KCNK13: variants seen among roughly 807,000 people sequenced by gnomAD.
The protein encoded by KCNK13 is potassium channel subfamily K member 13.
A neutral mutation model predicts 23.4 loss-of-function variants in KCNK13; 12 were observed. That is an observed-to-expected ratio of 0.51 (90% CI 0.33 to 0.83). KCNK13 has a LOEUF of 0.83. KCNK13 is among the 40% of genes least tolerant of loss of function. The probability of loss-of-function intolerance (pLI) is 0.02; values close to 1 mark genes in which losing one functional copy is unlikely to be tolerated. For synonymous variants in KCNK13, 231 were observed against 229.5 expected, an observed-to-expected ratio of 1.01 and a Z score of -0.06; for missense variants, 463 against 556.3, an observed-to-expected ratio of 0.83 and a Z score of 1.69.
At chr14:90,180,866 CT>C (rs1037366942) in intron 1 of KCNK13, among the ~76,000 whole-genome samples, 1 of 150,622 alleles carries the variant, frequency 6.6e-6, no homozygotes, top group Non-Finnish European at 1.5e-5. Flanking sequence ...TTGATTTTTT[CT>C]TTTTTTTTCA....
intron 1 of KCNK13, among the ~76,000 whole-genome samples, chr14:90,071,479 C>T (rs1189256067): frequency 6.6e-6 from 1 of 152,174 alleles, no homozygotes; most frequent in Non-Finnish European, 1.5e-5. Context: ...CTTTCTGTCC[C>T]TCCTGGTCCC....
rs764122404 is a variant in KCNK13 at position 90,141,788 on chromosome 14, G to GTT, written c.335-42318_335-42317dup. On this transcript the variant is annotated intron_variant, in intron 1 of 1. Transcript: ENST00000282146. Reference sequence around the variant, plus strand: ...CCCTCTTGGGTTTTTGTTTTGTTTTGTTTTTTGGGGGGGGGGACGGAGCCT... The same window carrying GTT: ...CCCTCTTGGGTTTTTGTTTTGTTTTGTTTTTTTTGGGGGGGGGGACGGAGCCT... 5.9e-3 allele frequency among the ~76,000 whole-genome samples: 94 copies of GTT among 16,022 alleles called. 2 individuals are homozygous for GTT. The highest frequency in any genetic ancestry group is 0.012 in the African/African-American group (82 of 6,704). 10.5% of individuals were successfully genotyped at this position (16,022 alleles called of 152,430 possible).
At chr14:90,125,050 G>C (rs1399898699) in intron 1 of KCNK13, among the ~76,000 whole-genome samples, 1 of 152,070 alleles carries the variant, frequency 6.6e-6, no homozygotes, top group Admixed American at 6.6e-5. Context: ...AAAGGAGAAT[G>C]AAGAATTTTT....
chr14:90,184,853 G>C lies in KCNK13; in HGVS notation c.1077G>C (p.Ser359=), dbSNP rs775974655. ...ACTTGCTGGCAGCCAACAAGGCCTC[G>C]TTGGCCATCCTGCAGAAGCAACTGT... is the stretch of plus-strand genomic sequence containing the variant. ...MKDLLAANKA[S]LAILQKQLSE... The change falls in exon 2 of 2, where the codon TCG becomes TCC. Residue 359 remains serine (S), a synonymous_variant. Coordinates refer to ENST00000282146, the MANE Select transcript of KCNK13 (RefSeq NM_022054.4). This position sits in a 1 kb window ranked among gnomAD's most constrained non-coding sequence, Gnocchi z 5.6. The C allele has an allele frequency of 6.2e-7, 1 of 1,613,844 alleles. No homozygotes were observed. Among genetic ancestry groups the C allele is most frequent in the South Asian group, 1.1e-5 (1 of 91,082 alleles).
At chr14:90,176,056 A>G (rs911222188) in intron 1 of KCNK13, among the ~76,000 whole-genome samples, 3 of 152,192 alleles carry the variant, frequency 2.0e-5, no homozygotes, top group Non-Finnish European at 4.4e-5. Flanking sequence ...AGATTCAAGG[A>G]GAGAGGAAAT....
chr14:90,123,925 G>A (rs534832777), intron 1 of KCNK13, among the ~76,000 whole-genome samples: 1 of 152,268 alleles, frequency 6.6e-6, no homozygotes, highest in Non-Finnish European at 1.5e-5. Context: ...TTAACAGATA[G>A]CAATGCCTCC....
At chr14:90,127,062 G>C (rs1889809594) in intron 1 of KCNK13, among the ~76,000 whole-genome samples, 1 of 152,108 alleles carries the variant, frequency 6.6e-6, no homozygotes, top group Non-Finnish European at 1.5e-5. Flanking sequence ...AAGGAAGTCT[G>C]AATAAAGTAT....
chr14:90,132,805 C>A (rs1366520618), intron 1 of KCNK13, among the ~76,000 whole-genome samples: 1 of 152,152 alleles, frequency 6.6e-6, no homozygotes, highest in African/African-American at 2.4e-5. Flanking sequence ...TAACTATCGC[C>A]ATTTGTACCT....
intron 1 of KCNK13, among the ~76,000 whole-genome samples, chr14:90,130,268 C>CGGCTCACTGCAGCCTCCGCCTCCCA (rs1802857003): frequency 1.3e-5 from 2 of 151,532 alleles, no homozygotes. Flanking sequence ...GGTGCAATCT[C>CGGCTCACTGCAGCCTCCGCCTCCCA]GGCTCACTGC....
chr14:90,124,681 G>A (rs1889775908), intron 1 of KCNK13, among the ~76,000 whole-genome samples: 1 of 152,224 alleles, frequency 6.6e-6, no homozygotes, highest in Non-Finnish European at 1.5e-5. Context: ...AGATCTCTGG[G>A]AAGAAGCAGC....
At chr14:90,100,859 A>G (rs1349716513) in intron 1 of KCNK13, among the ~76,000 whole-genome samples, 1 of 151,194 alleles carries the variant, frequency 6.6e-6, no homozygotes, top group Admixed American at 6.6e-5. Context: ...TGCCTGGCCA[A>G]TTGTTTTATT....
At chr14:90,114,058 C>G (rs1889646335) in intron 1 of KCNK13, among the ~76,000 whole-genome samples, 1 of 152,180 alleles carries the variant, frequency 6.6e-6, no homozygotes, top group South Asian at 2.1e-4. Context: ...ATGGTGGGGT[C>G]AAAATGCCCT....
intron 1 of KCNK13, among the ~76,000 whole-genome samples, chr14:90,136,118 T>G (rs1596793619): frequency 6.6e-6 from 1 of 151,854 alleles, no homozygotes. Flanking sequence ...CTGGGAGTCA[T>G]GAAAAGTGGC....
At chr14:90,105,021 C>T (rs997713142) in intron 1 of KCNK13, among the ~76,000 whole-genome samples, 3 of 152,006 alleles carry the variant, frequency 2.0e-5, no homozygotes, top group Admixed American at 2.0e-4. Context: ...AACTCCTGAC[C>T]TCCAGTGATC....
chr14:90,151,593 C>G (rs774685542), intron 1 of KCNK13, among the ~76,000 whole-genome samples: 1 of 152,110 alleles, frequency 6.6e-6, no homozygotes, highest in South Asian at 2.1e-4. Context: ...TCTTTTTACT[C>G]TGATTATTTT....
chr14:90,137,433 A>G (rs1889950749), intron 1 of KCNK13, among the ~76,000 whole-genome samples: 1 of 151,816 alleles, frequency 6.6e-6, no homozygotes, highest in East Asian at 1.9e-4. Context: ...CGATTCTCCC[A>G]CTTCAGCCTC....
intron 1 of KCNK13, among the ~76,000 whole-genome samples, chr14:90,102,790 G>C (rs1889497374): frequency 6.6e-6 from 1 of 152,154 alleles, no homozygotes; most frequent in Admixed American, 6.5e-5. Context: ...GGGAATTTTA[G>C]TTCTGTTAAC....
intron 1 of KCNK13, among the ~76,000 whole-genome samples, chr14:90,178,803 T>C (rs1890453599): frequency 6.6e-6 from 1 of 152,180 alleles, no homozygotes; most frequent in African/African-American, 2.4e-5. Flanking sequence ...AAGAACACTC[T>C]TGAAATACAC....
At chr14:90,104,780 T>C (rs1480127742) in intron 1 of KCNK13, among the ~76,000 whole-genome samples, 1 of 132,442 alleles carries the variant, frequency 7.6e-6, no homozygotes, top group Non-Finnish European at 1.6e-5. Flanking sequence ...TCAGCTACTT[T>C]CTTTTCTTTT....
Sources: allele counts gnomAD v4.1 joint callset (sites outside exome capture counted in the v4.1 genomes callset), GRCh38; gene constraint gnomAD v4.1.1; non-coding constraint Gnocchi (gnomAD v3.1); transcripts MANE v1.5; gene names NCBI Gene and HGNC (gene_info 2026-07-23, HGNC 2026-07-21).